GNAO1: variants seen among roughly 807,000 people sequenced by gnomAD.
GNAO1 encodes the protein guanine nucleotide-binding protein G(o) subunit alpha.
For missense variants in GNAO1, 166 were observed against 478.7 expected (o/e 0.35, Z 6.10); for synonymous variants, 164 against 180.7 (o/e 0.91, Z 0.74).
intron 2 of GNAO1, among the ~76,000 whole-genome samples, chr16:56,259,306 C>T (rs1360416364): frequency 6.6e-6 from 1 of 152,234 alleles, no homozygotes; most frequent in Admixed American, 6.5e-5. Flanking sequence ...CCAGGCCTTG[C>T]ACTCAGGAGG....
In GNAO1 at chr16:56,219,393, G is replaced by A. The variant is rs117780207; in HGVS notation, c.161+26777G>A. 2.1e-3 allele frequency among the ~76,000 whole-genome samples: 317 copies of A among 152,270 alleles called. 2 individuals are homozygous for A. The highest frequency in any genetic ancestry group is 3.7e-3 in the Non-Finnish European group (249 of 68,024). On this transcript the variant is annotated intron_variant, in intron 2 of 8. Coordinates refer to ENST00000262493, the MANE Select transcript of GNAO1 (RefSeq NM_020988.3). ...GTGGCAAGAAAGCCTGTCAGGCTTG[G>A]GAAGTCAAGGCACCCCATTGCATCT...
chr16:56,331,683 C>T (rs1237843721), intron 4 of GNAO1, among the ~76,000 whole-genome samples: 2 of 152,222 alleles, frequency 1.3e-5, no homozygotes, highest in Non-Finnish European at 2.9e-5. Flanking sequence ...TGTATCCCGT[C>T]CCCAAGCTCC....
intron 2 of GNAO1, among the ~76,000 whole-genome samples, chr16:56,220,015 T>C (rs1234205548): frequency 6.6e-6 from 1 of 152,168 alleles, no homozygotes; most frequent in Non-Finnish European, 1.5e-5. Context: ...AGTGGAACCA[T>C]AGCCCCAGAA....
chr16:56,258,677 T>C (rs1421391781), intron 2 of GNAO1, among the ~76,000 whole-genome samples: 1 of 152,232 alleles, frequency 6.6e-6, no homozygotes, highest in Non-Finnish European at 1.5e-5. Context: ...CTAGCTGTTC[T>C]CCCACAAATC....
At chr16:56,270,689 ATTG>A (rs1225952867) in intron 2 of GNAO1, 1 of 152,186 alleles carries the variant, frequency 6.6e-6, no homozygotes, top group East Asian at 1.9e-4. Flanking sequence ...TCTGATTATT[ATTG>A]TTATCAGGGT....
At chr16:56,273,947 G>C (rs1482620367) in intron 2 of GNAO1, among the ~76,000 whole-genome samples, 1 of 152,188 alleles carries the variant, frequency 6.6e-6, no homozygotes, top group Non-Finnish European at 1.5e-5. Context: ...GACCAGCTGT[G>C]GAATCTTACC....
chr16:56,277,993 A>T (rs1567466496), intron 3 of GNAO1, among the ~76,000 whole-genome samples: 1 of 151,428 alleles, frequency 6.6e-6, no homozygotes, highest in Non-Finnish European at 1.5e-5. Flanking sequence ...TTCCCATGGG[A>T]TTTTTTTTTC....
intron 3 of GNAO1, among the ~76,000 whole-genome samples, chr16:56,314,905 G>A (rs1188563325): frequency 6.6e-6 from 1 of 152,148 alleles, no homozygotes; most frequent in African/African-American, 2.4e-5. Context: ...GACCCCACAA[G>A]GAGAAGAGAC....
chr16:56,279,895 C>T (rs530977708), intron 3 of GNAO1, among the ~76,000 whole-genome samples: 57 of 152,268 alleles, frequency 3.7e-4, no homozygotes, highest in South Asian at 2.7e-3. Flanking sequence ...CTGATCAAGG[C>T]GTATGTCGTT....
chr16:56,313,173 A>T (rs1482075171), intron 3 of GNAO1, among the ~76,000 whole-genome samples: 3 of 152,230 alleles, frequency 2.0e-5, no homozygotes, highest in African/African-American at 7.2e-5. Context: ...TCATTCGGTG[A>T]TGCAGGACTT....
intron 2 of GNAO1, among the ~76,000 whole-genome samples, chr16:56,206,276 C>G (rs559202383): frequency 6.7e-6 from 1 of 149,282 alleles, no homozygotes; most frequent in Non-Finnish European, 1.5e-5. Flanking sequence ...GCCGAGATCA[C>G]GCCATTGCAC....
At position 56,351,265 on chromosome 16, in the gene GNAO1, G is replaced by C; in HGVS notation, c.724-119G>C. 1 of 661,720 alleles carries C rather than the reference G, an allele frequency of 1.5e-6. No homozygotes were observed. Among genetic ancestry groups the C allele is most frequent in the Non-Finnish European group, 2.6e-6 (1 of 380,306 alleles). The allele number at this position is 661,720 out of a possible 1,614,324, so 41.0% of individuals were successfully genotyped here. Reference sequence around the variant, plus strand: ...CTCAGGTTCCATCTGGCAGCCTCTCGGAGGAGCTGCCGAGTAGCCCAGTCC... The same window carrying C: ...CTCAGGTTCCATCTGGCAGCCTCTCCGAGGAGCTGCCGAGTAGCCCAGTCC... On this transcript the variant is annotated intron_variant, in intron 6 of 8. Transcript: ENST00000262493. This position sits in a 1 kb window ranked among gnomAD's most constrained non-coding sequence, Gnocchi z 6.1.
At chr16:56,323,106 A>G (rs2037592987) in intron 3 of GNAO1, among the ~76,000 whole-genome samples, 1 of 152,120 alleles carries the variant, frequency 6.6e-6, no homozygotes, top group Admixed American at 6.5e-5. Context: ...AGTGATCTGG[A>G]CAGATGGAGC....
At chr16:56,276,324 T>C (rs1243098634) in intron 3 of GNAO1, 2 of 358,138 alleles carry the variant, frequency 5.6e-6, no homozygotes, top group Non-Finnish European at 1.0e-5. Context: ...TGAGGAAGAG[T>C]TGGTGACAGT....
intron 2 of GNAO1, among the ~76,000 whole-genome samples, chr16:56,242,860 C>G (rs527884766): frequency 1.3e-5 from 2 of 152,196 alleles, no homozygotes; most frequent in Non-Finnish European, 2.9e-5. Context: ...GGGCCACAGA[C>G]TGGTGGGAAC....
At chr16:56,300,326 G>A (rs1037503784) in intron 3 of GNAO1, among the ~76,000 whole-genome samples, 3 of 152,114 alleles carry the variant, frequency 2.0e-5, no homozygotes, top group African/African-American at 4.8e-5. Flanking sequence ...GTGGTCAGGC[G>A]GTACAGAGAA....
chr16:56,355,778 T>C (rs11076153), intron 8 of GNAO1: 23,535 of 152,272 alleles, frequency 0.15, 1,939 homozygotes, highest in African/African-American at 0.2. Flanking sequence ...TAAAAGCAGC[T>C]GACAGGAGGG....
chr16:56,221,371 C>T (rs2036486078), intron 2 of GNAO1, among the ~76,000 whole-genome samples: 2 of 151,950 alleles, frequency 1.3e-5, no homozygotes, highest in African/African-American at 2.4e-5. Flanking sequence ...GTCATGGGGC[C>T]AGGTGCAGTG....
chr16:56,212,203 G>A (rs1243429244), intron 2 of GNAO1, among the ~76,000 whole-genome samples: 8 of 152,176 alleles, frequency 5.3e-5, no homozygotes, highest in African/African-American at 1.9e-4. Context: ...AACTTGGAGG[G>A]ACATTTACAA....
Sources: allele counts gnomAD v4.1 joint callset (sites outside exome capture counted in the v4.1 genomes callset), GRCh38; gene constraint gnomAD v4.1.1; non-coding constraint Gnocchi (gnomAD v3.1); transcripts MANE v1.5; gene names NCBI Gene and HGNC (gene_info 2026-07-23, HGNC 2026-07-21).